ANKS1A: variants seen among roughly 807,000 people sequenced by gnomAD.
ANKS1A encodes ankyrin repeat and sterile alpha motif domain containing 1A, also known as ankyrin repeat and SAM domain-containing protein 1A.
ANKS1A carries 55 observed loss-of-function variants against 120.3 expected under a neutral mutation model. The ratio of observed to expected loss-of-function variants is 0.46; its 90% CI spans 0.37 to 0.57. The LOEUF is 0.57. ANKS1A is among the 20% of genes least tolerant of loss of function. The pLI, the probability that ANKS1A is intolerant of heterozygous loss-of-function variation, is 0.00. For synonymous variants in ANKS1A, 590 were observed against 604.7 expected (o/e 0.98, Z 0.36); for missense variants, 1,123 against 1,480.3 (o/e 0.76, Z 3.96).
chr6:35,046,738 C>T (rs757236412), intron 11 of ANKS1A, among the ~76,000 whole-genome samples: 5 of 152,068 alleles, frequency 3.3e-5, no homozygotes, highest in Admixed American at 6.5e-5. Context: ...AACTAGAGTT[C>T]GATGTTTGTT....
At chr6:35,053,184 TC>T (rs1776052903) in intron 11 of ANKS1A, among the ~76,000 whole-genome samples, 1 of 152,178 alleles carries the variant, frequency 6.6e-6, no homozygotes, top group African/African-American at 2.4e-5. Context: ...CTCTTTTCAT[TC>T]CTTTGGAAAA....
intron 10 of ANKS1A, among the ~76,000 whole-genome samples, chr6:34,995,761 A>T (rs1389142729): frequency 1.3e-5 from 2 of 152,206 alleles, no homozygotes; most frequent in East Asian, 3.8e-4. Flanking sequence ...TTTCATTGCT[A>T]CTATCCCATT....
chr6:35,074,681 G>A (rs1315183286), intron 13 of ANKS1A, among the ~76,000 whole-genome samples: 1 of 152,208 alleles, frequency 6.6e-6, no homozygotes, highest in Non-Finnish European at 1.5e-5. Context: ...CAGATTTGGG[G>A]GTGACTTGGC....
At chr6:34,946,106 G>A (rs1209807835) in intron 1 of ANKS1A, among the ~76,000 whole-genome samples, 8 of 151,288 alleles carry the variant, frequency 5.3e-5, no homozygotes, top group Admixed American at 1.3e-4. Context: ...TCAGCCTCCT[G>A]AGTAGCTGGG....
chr6:34,936,386 C>T (rs932190566), intron 1 of ANKS1A, among the ~76,000 whole-genome samples: 1 of 152,126 alleles, frequency 6.6e-6, no homozygotes, highest in Non-Finnish European at 1.5e-5. Flanking sequence ...TTGTAGCAGG[C>T]GGGAACACTC....
chr6:35,029,293 A>G (rs1448996950), intron 11 of ANKS1A, among the ~76,000 whole-genome samples: 1 of 148,034 alleles, frequency 6.8e-6, no homozygotes, highest in Non-Finnish European at 1.5e-5. Flanking sequence ...TTTTTTTAAC[A>G]TGTGGAAATT....
chr6:35,088,637 G>C lies in ANKS1A; in HGVS notation c.*28G>C. ...CACTGAGGAACCACACTGTGCTGCGGAAACATAGACGTGGGGGCATAGGCT... is the reference window on the plus strand; with the variant it reads ...CACTGAGGAACCACACTGTGCTGCGCAAACATAGACGTGGGGGCATAGGCT... On this transcript the variant is annotated 3_prime_UTR_variant, in exon 24 of 24. Coordinates refer to ENST00000360359, the MANE Select transcript of ANKS1A (RefSeq NM_015245.3). The C allele has an allele frequency of 6.2e-7, 1 of 1,614,204 alleles. No homozygotes were observed. The highest frequency in any genetic ancestry group is 1.3e-5 in the African/African-American group (1 of 75,060).
At chr6:35,035,836 T>C (rs982667681) in intron 11 of ANKS1A, among the ~76,000 whole-genome samples, 1 of 152,190 alleles carries the variant, frequency 6.6e-6, no homozygotes, top group African/African-American at 2.4e-5. Flanking sequence ...GTTGGCTTCA[T>C]TCAGAAACCA....
At position 35,082,591 on chromosome 6, in the gene ANKS1A, G is replaced by GC. The variant is rs1263007871; in HGVS notation, c.2710-100_2710-99insC. On this transcript the variant is annotated intron_variant, in intron 17 of 23. Transcript: ENST00000360359. The surrounding 1 kb of genome is among the most constrained non-coding windows in gnomAD (Gnocchi z 4.1). ...CCACTCGACCCTTGAACTTGCTAAG[G>GC]TCACTGGCATCTTCACCCTTGAGTG... The GC allele has an allele frequency of 2.8e-6, 4 of 1,451,274 alleles. No individual in the cohort carries two copies. In the Admixed American group the frequency reaches 9.3e-5, roughly 34 times the overall value. 89.9% of individuals were successfully genotyped at this position (1,451,274 alleles called of 1,614,324 possible).
At chr6:35,019,036 T>G (rs1774193247) in intron 11 of ANKS1A, among the ~76,000 whole-genome samples, 1 of 152,138 alleles carries the variant, frequency 6.6e-6, no homozygotes, top group African/African-American at 2.4e-5. Flanking sequence ...AAATGAAGAT[T>G]GGGGAGTAGA....
At position 35,084,464 on chromosome 6, in the gene ANKS1A, C is replaced by T. The variant is rs982587354; in HGVS notation, c.3132+206C>T. On this transcript the variant is annotated intron_variant, in intron 21 of 23. Coordinates refer to ENST00000360359, the MANE Select transcript of ANKS1A (RefSeq NM_015245.3). This position sits in a 1 kb window ranked among gnomAD's most constrained non-coding sequence, Gnocchi z 4.8. ...ACGCGCAGAGGGAACAGGGACTGGC[C>T]CAGGGCACTAGGGACAGGAGGTTCC... Among the ~76,000 whole-genome samples the T allele has an allele frequency of 1.3e-5, 2 of 150,578 alleles. No homozygotes were observed. Among genetic ancestry groups the T allele is most frequent in the Admixed American group, 6.6e-5 (1 of 15,176 alleles).
At chr6:34,929,837 CTCTT>C (rs1241158607) in intron 1 of ANKS1A, among the ~76,000 whole-genome samples, 3 of 132,528 alleles carry the variant, frequency 2.3e-5, no homozygotes, top group Admixed American at 1.7e-4. Context: ...CTTTCTTTCT[CTCTT>C]TCTTTCTCTT....
At chr6:34,981,541 G>C (rs1771906202) in intron 3 of ANKS1A, 149 bp from the exon 4 acceptor site, 2 of 781,868 alleles carry the variant, frequency 2.6e-6, no homozygotes, top group South Asian at 1.8e-5. Context: ...GTTTGTGGGG[G>C]AGTATGTCTG....
chr6:35,048,877 C>T (rs1393951235), intron 11 of ANKS1A, among the ~76,000 whole-genome samples: 2 of 152,188 alleles, frequency 1.3e-5, no homozygotes, highest in African/African-American at 2.4e-5. Context: ...CCCCCGGCTC[C>T]TGGGAAGGGG....
At chr6:35,040,872 G>A (rs554437429) in intron 11 of ANKS1A, among the ~76,000 whole-genome samples, 171 of 152,276 alleles carry the variant, frequency 1.1e-3, no homozygotes, top group Non-Finnish European at 2.1e-3. Context: ...TCAGGGATTG[G>A]CCCACCTGTC....
intron 10 of ANKS1A, among the ~76,000 whole-genome samples, chr6:34,995,368 G>GTT (rs139064243): frequency 1.0e-3 from 151 of 150,744 alleles, no homozygotes; most frequent in South Asian, 2.5e-3. Context: ...TTTTCATAGT[G>GTT]TTTTTTTTTG....
intron 20 of ANKS1A, 55 bp downstream of exon 20, chr6:35,083,558 C>T (rs1327806338): frequency 2.6e-6 from 4 of 1,561,788 alleles, no homozygotes; most frequent in East Asian, 4.5e-5. Context: ...CCCGTCAGAC[C>T]CACAGGGCTC....
chr6:35,089,424 G>GC lies in ANKS1A; in HGVS notation c.*817dup. ...GGAGCACTGCCCTGGGCTGGCCGGC[G>GC]CCGTACTGCCTGCGTTGTGTCAGAG... On this transcript the variant is annotated 3_prime_UTR_variant, in exon 24 of 24. Coordinates refer to ENST00000360359, the MANE Select transcript of ANKS1A (RefSeq NM_015245.3). The GC allele has an allele frequency of 1.0e-6, 1 of 986,660 alleles. No homozygotes were observed. The allele number at this position is 986,660 out of a possible 1,614,324, so 61.1% of individuals were successfully genotyped here. A position where few individuals can be genotyped will look rare whatever the true frequency, so the allele number is the denominator to read the frequency against.
chr6:34,915,976 A>G (rs1180954144), intron 1 of ANKS1A, among the ~76,000 whole-genome samples: 1 of 144,188 alleles, frequency 6.9e-6, no homozygotes, highest in Non-Finnish European at 1.5e-5. Context: ...AAGAGGCTTC[A>G]TGTCTGGATC....
Sources: allele counts gnomAD v4.1 joint callset (sites outside exome capture counted in the v4.1 genomes callset), GRCh38; gene constraint gnomAD v4.1.1; non-coding constraint Gnocchi (gnomAD v3.1); transcripts MANE v1.5; gene names NCBI Gene and HGNC (gene_info 2026-07-23, HGNC 2026-07-21).